Variants in OXR1 observed in about 807,000 individuals in gnomAD.
OXR1 encodes oxidation resistance protein 1.
A neutral mutation model predicts 104.6 loss-of-function variants in OXR1; 41 were observed. That is an observed-to-expected ratio of 0.39 (90% CI 0.31 to 0.51). The LOEUF is 0.51. Among genes scored for constraint, OXR1 ranks in the 20% least tolerant of loss-of-function variants. The pLI, the probability that OXR1 is intolerant of heterozygous loss-of-function variation, is 0.77. For missense variants in OXR1, 955 were observed against 1,031.9 expected (o/e 0.93, Z 1.02); for synonymous variants, 348 against 348.4 (o/e 1.00, Z 0.01).
At chr8:106,504,528 G>C (rs1563566955) in intron 2 of OXR1, among the ~76,000 whole-genome samples, 1 of 152,086 alleles carries the variant, frequency 6.6e-6, no homozygotes, top group Non-Finnish European at 1.5e-5. Flanking sequence ...GATAGCAAAT[G>C]GATTAAAGGC....
At chr8:106,389,778 A>G (rs1491000434) in intron 2 of OXR1, among the ~76,000 whole-genome samples, 1 of 152,084 alleles carries the variant, frequency 6.6e-6, no homozygotes, top group African/African-American at 2.4e-5. Flanking sequence ...AAATTTATCC[A>G]TCATGGGCTG....
At chr8:106,633,289 T>C (rs904623833) in intron 3 of OXR1, among the ~76,000 whole-genome samples, 5 of 151,936 alleles carry the variant, frequency 3.3e-5, no homozygotes, top group African/African-American at 7.3e-5. Context: ...AAAGAAAATA[T>C]TGCATAATAA....
At chr8:106,282,414 G>T (rs1434268321) in intron 1 of OXR1, among the ~76,000 whole-genome samples, 1 of 152,136 alleles carries the variant, frequency 6.6e-6, no homozygotes, top group East Asian at 1.9e-4. Context: ...TTTATTTCAA[G>T]TATAGTTGAC....
intron 1 of OXR1, among the ~76,000 whole-genome samples, chr8:106,283,042 A>G (rs1324627022): frequency 6.6e-6 from 1 of 152,240 alleles, no homozygotes; most frequent in Non-Finnish European, 1.5e-5. Context: ...AGTTCTATTC[A>G]GTGTGAACAC....
At chr8:106,479,890 C>T (rs970159958) in intron 2 of OXR1, among the ~76,000 whole-genome samples, 1 of 152,088 alleles carries the variant, frequency 6.6e-6, no homozygotes, top group Admixed American at 6.6e-5. Context: ...ATTTAAGGAA[C>T]AAACGTGAAA....
chr8:106,741,382 G>C (rs1482605614), intron 14 of OXR1, among the ~76,000 whole-genome samples: 1 of 152,106 alleles, frequency 6.6e-6, no homozygotes, highest in African/African-American at 2.4e-5. Context: ...CTATTGATGA[G>C]AGGAAGCACA....
intron 15 of OXR1, among the ~76,000 whole-genome samples, chr8:106,743,458 A>T (rs1835106875): frequency 6.6e-6 from 1 of 152,126 alleles, no homozygotes; most frequent in African/African-American, 2.4e-5. Context: ...AGTAGCTGGG[A>T]TTACAGGTGT....
chr8:106,681,564 G>A lies in OXR1; in HGVS notation c.304-1635G>A, dbSNP rs574774718. Among the ~76,000 whole-genome samples, 10 of 151,594 alleles carry A rather than the reference G, an allele frequency of 6.6e-5. No individual in the cohort carries two copies. In the East Asian group the frequency reaches 1.8e-3, roughly 27 times the overall value. On this transcript the variant is annotated intron_variant, in intron 4 of 16. Transcript: ENST00000517566. ...TCTGGAGACAGGGTCTTGCTTTGTC[G>A]CCCAGGCTGGGGTGCAGTGGTGCTA...
intron 16 of OXR1, among the ~76,000 whole-genome samples, chr8:106,748,175 T>G (rs1426676296): frequency 6.6e-6 from 1 of 152,202 alleles, no homozygotes; most frequent in Non-Finnish European, 1.5e-5. Context: ...TATCTCTGTA[T>G]TTTCCAGTGC....
intron 2 of OXR1, among the ~76,000 whole-genome samples, chr8:106,367,215 C>T (rs1037536157): frequency 2.0e-5 from 3 of 151,924 alleles, no homozygotes; most frequent in Non-Finnish European, 4.4e-5. Context: ...GTGCGTGCCA[C>T]CATGCCCGGC....
At chr8:106,734,047 G>A (rs1587282813) in intron 11 of OXR1, among the ~76,000 whole-genome samples, 1 of 149,030 alleles carries the variant, frequency 6.7e-6, no homozygotes, top group Admixed American at 6.7e-5. Flanking sequence ...ATGGAGTGCA[G>A]TGGCTTGATC....
At chr8:106,633,569 A>G (rs1822885499) in intron 3 of OXR1, among the ~76,000 whole-genome samples, 1 of 152,226 alleles carries the variant, frequency 6.6e-6, no homozygotes, top group Non-Finnish European at 1.5e-5. Context: ...CAAAGTGTAG[A>G]ACAATGTTGG....
chr8:106,482,942 A>G (rs1822224335), intron 2 of OXR1, among the ~76,000 whole-genome samples: 1 of 152,080 alleles, frequency 6.6e-6, no homozygotes, highest in Non-Finnish European at 1.5e-5. Flanking sequence ...AGTTACTATG[A>G]AGATAAAATA....
At chr8:106,403,991 A>G (rs1170682629) in intron 2 of OXR1, among the ~76,000 whole-genome samples, 1 of 152,144 alleles carries the variant, frequency 6.6e-6, no homozygotes. Flanking sequence ...GAGATCTAGC[A>G]TTGTCTTGCA....
At chr8:106,429,301 T>G (rs1225804606) in intron 2 of OXR1, among the ~76,000 whole-genome samples, 1 of 152,078 alleles carries the variant, frequency 6.6e-6, no homozygotes, top group East Asian at 1.9e-4. Context: ...CATATGCTCC[T>G]CCAGAGTTAA....
At chr8:106,745,709 C>A in intron 15 of OXR1, 80 bp from the exon 16 acceptor site, 1 of 647,448 alleles carries the variant, frequency 1.5e-6, no homozygotes, top group Non-Finnish European at 2.6e-6. Flanking sequence ...GCTTTGTTAA[C>A]TCGTTTGAGT....
chr8:106,420,525 C>A (rs1376791820), intron 2 of OXR1, among the ~76,000 whole-genome samples: 9 of 151,662 alleles, frequency 5.9e-5, no homozygotes, highest in Non-Finnish European at 1.3e-4. Flanking sequence ...CACAAACTCC[C>A]AAATCTGTAT....
chr8:106,336,143 C>T (rs1814954448), intron 1 of OXR1, among the ~76,000 whole-genome samples: 1 of 152,196 alleles, frequency 6.6e-6, no homozygotes, highest in African/African-American at 2.4e-5. Context: ...ATGTTAATCT[C>T]ATTTTCCTGA....
intron 3 of OXR1, chr8:106,581,083 G>A: frequency 1.7e-6 from 2 of 1,204,590 alleles, no homozygotes; most frequent in Non-Finnish European, 2.1e-6. Flanking sequence ...TGCTAAAGAT[G>A]GAGGAAAAAT....
Sources: allele counts gnomAD v4.1 joint callset (sites outside exome capture counted in the v4.1 genomes callset), GRCh38; gene constraint gnomAD v4.1.1; transcripts MANE v1.5; gene names NCBI Gene and HGNC (gene_info 2026-07-23, HGNC 2026-07-21).